DPP10: variants seen among roughly 807,000 people sequenced by gnomAD.
The protein encoded by DPP10 is dipeptidyl peptidase like 10, also known as inactive dipeptidyl peptidase 10.
DPP10 carries 33 observed loss-of-function variants against 120.9 expected under a neutral mutation model. The ratio of observed to expected loss-of-function variants is 0.27; its 90% CI spans 0.21 to 0.37. The LOEUF is 0.37. Ranked by LOEUF, DPP10 falls within the 10% of genes least tolerant of loss-of-function variation. DPP10 has a pLI of 1.00. For synonymous variants in DPP10, 337 were observed against 326.1 expected, an observed-to-expected ratio of 1.03 and a Z score of -0.36; for missense variants, 816 against 942.8, an observed-to-expected ratio of 0.87 and a Z score of 1.76.
At chr2:114,651,674 C>A (rs1290104314) in intron 1 of DPP10, among the ~76,000 whole-genome samples, 1 of 152,058 alleles carries the variant, frequency 6.6e-6, no homozygotes, top group Non-Finnish European at 1.5e-5. Context: ...TGTGCTTGGG[C>A]TCCCCTCTAG....
intron 1 of DPP10, among the ~76,000 whole-genome samples, chr2:114,469,452 G>T (rs1050277161): frequency 6.6e-6 from 1 of 152,094 alleles, no homozygotes; most frequent in South Asian, 2.1e-4. Context: ...TATTGTGGGC[G>T]GGGTGTGGTG....
intron 1 of DPP10, among the ~76,000 whole-genome samples, chr2:114,607,860 C>T (rs1441916808): frequency 6.6e-6 from 1 of 152,204 alleles, no homozygotes; most frequent in African/African-American, 2.4e-5. Context: ...CGCACCAACC[C>T]CAAACTATTG....
chr2:115,617,737 C>A (rs2149270590), intron 5 of DPP10, among the ~76,000 whole-genome samples: 1 of 152,162 alleles, frequency 6.6e-6, no homozygotes, highest in African/African-American at 2.4e-5. Flanking sequence ...GTTTGCAAAA[C>A]AAAATCACCT....
At chr2:114,540,687 A>T (rs906529936) in intron 1 of DPP10, among the ~76,000 whole-genome samples, 2 of 152,194 alleles carry the variant, frequency 1.3e-5, no homozygotes, top group Non-Finnish European at 2.9e-5. Context: ...ATATTTTGTT[A>T]TTGCTGAATT....
At chr2:114,485,633 A>G (rs1256846510) in intron 1 of DPP10, among the ~76,000 whole-genome samples, 3 of 151,886 alleles carry the variant, frequency 2.0e-5, no homozygotes, top group Admixed American at 2.0e-4. Flanking sequence ...ATAGCCTCTC[A>G]TGATCTTTGA....
intron 8 of DPP10, among the ~76,000 whole-genome samples, chr2:115,730,567 T>G (rs1370983153): frequency 2.0e-5 from 3 of 152,206 alleles, no homozygotes; most frequent in African/African-American, 7.2e-5. Flanking sequence ...ATTGTGCTGC[T>G]CCGTCCCGAA....
chr2:115,714,224 G>A (rs555882726), intron 7 of DPP10, among the ~76,000 whole-genome samples: 130 of 152,154 alleles, frequency 8.5e-4, no homozygotes, highest in Non-Finnish European at 1.5e-3. Context: ...GTGTTTGGAG[G>A]TTCAGTTTGA....
At chr2:115,376,503 G>A (rs2065805666) in intron 3 of DPP10, among the ~76,000 whole-genome samples, 1 of 151,302 alleles carries the variant, frequency 6.6e-6, no homozygotes, top group African/African-American at 2.4e-5. Context: ...TTCACCAGTG[G>A]ACACTTGTTG....
rs140999888 is a variant in DPP10 at position 115,738,006 on chromosome 2, CA to C, written c.698-1732del. On this transcript the variant is annotated intron_variant, in intron 8 of 25. Transcript: ENST00000410059. The stretch of plus-strand genomic sequence containing the variant: ...AATTTTGATGTTCAATATCTTCAGC[CA>C]TAAAATTAACCACATACAGCAGCAT... 5.0e-3 allele frequency among the ~76,000 whole-genome samples: 764 copies of C among 152,268 alleles called. 4 individuals carry two copies. Among genetic ancestry groups the C allele is most frequent in the African/African-American group, 0.017 (717 of 41,552 alleles).
intron 3 of DPP10, among the ~76,000 whole-genome samples, chr2:115,434,659 A>G (rs935568677): frequency 6.6e-6 from 1 of 151,774 alleles, no homozygotes; most frequent in Non-Finnish European, 1.5e-5. Flanking sequence ...TATCACCTCA[A>G]GCTTGTATCT....
chr2:115,472,273 A>G (rs1335706165), intron 3 of DPP10, among the ~76,000 whole-genome samples: 4 of 152,206 alleles, frequency 2.6e-5, no homozygotes, highest in African/African-American at 7.2e-5. Flanking sequence ...TACTTACCCA[A>G]TGTCTCACAG....
chr2:115,032,744 G>C (rs1210145033), intron 1 of DPP10, among the ~76,000 whole-genome samples: 5 of 151,792 alleles, frequency 3.3e-5, no homozygotes, highest in Non-Finnish European at 7.4e-5. Flanking sequence ...AATTAGCTGA[G>C]TGCAGTGGCA....
chr2:115,679,943 A>G (rs747060612), intron 5 of DPP10, among the ~76,000 whole-genome samples: 2 of 152,040 alleles, frequency 1.3e-5, no homozygotes, highest in East Asian at 3.8e-4. Flanking sequence ...TCGGGCAACT[A>G]TAGTTAACAA....
At position 115,406,835 on chromosome 2, in the gene DPP10, A is replaced by T. The variant is rs1303648183; in HGVS notation, c.271+62923A>T. Among the ~76,000 whole-genome samples, 5 of 152,332 alleles carry T rather than the reference A, an allele frequency of 3.3e-5. No homozygotes were observed. In the East Asian group the frequency reaches 9.6e-4, roughly 29 times the overall value. On this transcript the variant is annotated intron_variant, in intron 3 of 25. Transcript: ENST00000410059. ...AACAGAAATGGACATTTCAACAAAT[A>T]TAATTGTGATTTCAACACCCTTTTC...
intron 5 of DPP10, among the ~76,000 whole-genome samples, chr2:115,611,441 G>T (rs7582166): frequency 0.99 from 150,386 of 152,258 alleles, 74,299 homozygotes; most frequent in East Asian, 1. Context: ...TTCTGAAACA[G>T]TTTTTTCTTA....
intron 1 of DPP10, among the ~76,000 whole-genome samples, chr2:115,263,018 A>C (rs963465845): frequency 1.3e-5 from 2 of 152,188 alleles, no homozygotes; most frequent in Non-Finnish European, 2.9e-5. Context: ...TGATTAAATG[A>C]GACAATAAAA....
chr2:115,693,295 A>G (rs2091416964), intron 7 of DPP10, among the ~76,000 whole-genome samples: 1 of 152,164 alleles, frequency 6.6e-6, no homozygotes, highest in African/African-American at 2.4e-5. Context: ...AAGGCATGTA[A>G]TCAATGAAAC....
In DPP10 at chr2:115,781,009, T is replaced by C. The variant is rs1304185369; in HGVS notation, c.1483+14T>C. The C allele has an allele frequency of 8.4e-6, 13 of 1,555,208 alleles. No individual in the cohort carries two copies. The highest frequency in any genetic ancestry group is 9.7e-6 in the Non-Finnish European group (11 of 1,139,320). On this transcript the variant is annotated intron_variant, in intron 16 of 25. Transcript: ENST00000410059. ...TATTCTGTGAAGGTAAGATAATACA[T>C]GAATTCTGATATAATATATTTTATT... is the stretch of plus-strand genomic sequence containing the variant.
chr2:115,100,289 C>T (rs1196785216), intron 1 of DPP10, among the ~76,000 whole-genome samples: 5 of 151,972 alleles, frequency 3.3e-5, no homozygotes, highest in African/African-American at 4.8e-5. Flanking sequence ...CTATAAACAC[C>T]CTTAAAGAAA....
Sources: allele counts gnomAD v4.1 joint callset (sites outside exome capture counted in the v4.1 genomes callset), GRCh38; gene constraint gnomAD v4.1.1; transcripts MANE v1.5; gene names NCBI Gene and HGNC (gene_info 2026-07-23, HGNC 2026-07-21).